The following PARP9 variants were observed in gnomAD, a reference collection of about 807,000 sequenced individuals.
PARP9 encodes the protein protein mono-ADP-ribosyltransferase PARP9.
PARP9 carries 48 observed loss-of-function variants against 68.8 expected under a neutral mutation model. That is an observed-to-expected ratio of 0.70 (90% CI 0.55 to 0.89). The LOEUF (loss-of-function observed/expected upper bound fraction) is 0.89, where lower values mean the gene tolerates loss of function less well. PARP9 is among the 40% of genes least tolerant of loss of function. The pLI, the probability that PARP9 is intolerant of heterozygous loss-of-function variation, is 0.00. For missense variants in PARP9, 806 were observed against 969.3 expected (o/e 0.83, Z 2.24); for synonymous variants, 309 against 333.8 (o/e 0.93, Z 0.81).
intron 6 of PARP9, among the ~76,000 whole-genome samples, chr3:122,547,112 CTT>C (rs35670026): frequency 9.6e-6 from 1 of 104,040 alleles, no homozygotes; most frequent in Non-Finnish European, 2.0e-5. Context: ...ATTTTTTTTT[CTT>C]TTTTTTTTTT....
intron 8 of PARP9, among the ~76,000 whole-genome samples, chr3:122,539,623 C>CACTT (rs1429566478): frequency 6.7e-6 from 1 of 150,006 alleles, no homozygotes; most frequent in East Asian, 2.0e-4. Context: ...TGCAATGGTT[C>CACTT]GATCTTGGTT....
In PARP9 at chr3:122,536,299, C is replaced by G; in HGVS notation, c.1949G>C (p.Arg650Thr). ...TTTTTCTTCCATCATTTTCTTCTTT[C>G]TTTGAAAGGCAGCCATAAGGACCTC... is the stretch of plus-strand genomic sequence containing the variant. ...DNEVLMAAFQ[R>T]KKKMMEEKLH... Residue 650 changes from arginine (R) to threonine (T), a missense_variant, in exon 10 of 11, where the codon AGA becomes ACA. By Grantham distance (71) the Arg-to-Thr change is moderately conservative. Coordinates refer to ENST00000682323, the MANE Select transcript of PARP9 (RefSeq NM_001146105.2). The G allele has an allele frequency of 1.2e-6, 2 of 1,614,134 alleles. No homozygotes were observed. Among genetic ancestry groups the G allele is most frequent in the Non-Finnish European group, 1.7e-6 (2 of 1,180,008 alleles).
chr3:122,564,663 C>T, upstream of PARP9: 1 of 1,550,440 alleles, frequency 6.4e-7, no homozygotes, highest in Non-Finnish European at 8.7e-7. Context: ...GCCCGGCCCC[C>T]GGGTTTCCAG....
Position 122,534,158 on chromosome 3 carries a change from G to A in PARP9, c.2080+2010C>T, listed in dbSNP as rs2077484416. On this transcript the variant is annotated intron_variant, in intron 10 of 10. Coordinates refer to ENST00000682323, the MANE Select transcript of PARP9 (RefSeq NM_001146105.2). ...ATCTTGAGTTGAAAGACTATATGGA[G>A]ACAAGATCTGTGGTTAGGTTATAAA... is the stretch of plus-strand genomic sequence containing the variant. 8.7e-6 allele frequency: 7 copies of A among 807,842 alleles called. No homozygotes were observed. The South Asian group carries it at 4.0e-4, about 46-fold the overall frequency. 50.0% of individuals were successfully genotyped at this position (807,842 alleles called of 1,614,324 possible). A position where few individuals can be genotyped will look rare whatever the true frequency, so the allele number is the denominator to read the frequency against.
chr3:122,530,793 T>C (rs979804737), intron 10 of PARP9, among the ~76,000 whole-genome samples: 6 of 152,068 alleles, frequency 3.9e-5, no homozygotes, highest in Non-Finnish European at 8.8e-5. Flanking sequence ...CCAGGCTGAG[T>C]GGCTCATGTC....
intron 7 of PARP9, among the ~76,000 whole-genome samples, chr3:122,543,151 T>C (rs1157293892): frequency 1.3e-5 from 2 of 152,126 alleles, no homozygotes; most frequent in African/African-American, 4.8e-5. Flanking sequence ...CCTCAGGTGA[T>C]CCACTTGCCT....
In PARP9 at chr3:122,536,492, T is replaced by A. The variant is rs1158293366; in HGVS notation, c.1906-150A>T. On this transcript the variant is annotated intron_variant, in intron 9 of 10. Transcript: ENST00000682323. ...TCATAGAAAGTTGCAAAAGAGTCTC[T>A]CCTCCCTCTAATCCTCTCCTATTTT... 4 of 1,340,712 alleles carry A rather than the reference T, an allele frequency of 3.0e-6. No homozygotes were observed. The African/African-American group carries it at 5.9e-5, about 20-fold the overall frequency. The allele number at this position is 1,340,712 out of a possible 1,614,324, so 83.1% of individuals were successfully genotyped here.
At chr3:122,547,071 TAC>T (rs200287350) in intron 6 of PARP9, among the ~76,000 whole-genome samples, 6 of 125,728 alleles carry the variant, frequency 4.8e-5, no homozygotes, top group Non-Finnish European at 1.1e-4. Flanking sequence ...CATACATATA[TAC>T]ACACACACAC....
At chr3:122,562,013 A>G (rs754663809) in intron 1 of PARP9, among the ~76,000 whole-genome samples, 84 of 152,046 alleles carry the variant, frequency 5.5e-4, no homozygotes, top group Non-Finnish European at 9.9e-4. Flanking sequence ...TCAGAAATCT[A>G]GGAACTTTCC....
chr3:122,535,932 C>A (rs2077608299), intron 10 of PARP9: 2 of 1,372,628 alleles, frequency 1.5e-6, no homozygotes, highest in Non-Finnish European at 1.9e-6. Context: ...GTAGTTCTTA[C>A]TGCTCACACT....
Position 122,558,451 on chromosome 3 carries a change from G to C in PARP9, c.32C>G (p.Ala11Gly), listed in dbSNP as rs141037421. Reference sequence around the variant, plus strand: ...AATCCTACCTGATTTTTCATTGTAAGCTGCTGCTCCGGCCACCTGTGAAAA... The same window carrying C: ...AATCCTACCTGATTTTTCATTGTAACCTGCTGCTCCGGCCACCTGTGAAAA... MDFSMVAGAAAYNEKSETGAL... is the reference protein window; with the variant it reads MDFSMVAGAAGYNEKSETGAL... The change falls in exon 3 of 11, where the codon GCT (alanine) becomes GGT (glycine). Residue 11 changes from alanine to glycine, a missense_variant. By Grantham distance (60) the Ala-to-Gly change is moderately conservative. Transcript: ENST00000682323. 2 of 1,614,074 alleles carry C rather than the reference G, an allele frequency of 1.2e-6. No homozygotes were observed.
chr3:122,535,661 A>T, intron 10 of PARP9: 1 of 986,674 alleles, frequency 1.0e-6, no homozygotes, highest in Non-Finnish European at 1.2e-6. Context: ...GATGAAGAGG[A>T]TCTTAAGATG....
chr3:122,552,315 A>C, intron 5 of PARP9, 103 bp downstream of exon 5: 4 of 906,496 alleles, frequency 4.4e-6, no homozygotes, highest in Non-Finnish European at 6.6e-6. Context: ...ATACCACTTG[A>C]CAAAATATTT....
At chr3:122,531,523 C>T (rs941966765) in intron 10 of PARP9, among the ~76,000 whole-genome samples, 1 of 152,200 alleles carries the variant, frequency 6.6e-6, no homozygotes, top group East Asian at 1.9e-4. Context: ...TTCGGGAGGC[C>T]GAGGCGGGTG....
At position 122,528,802 on chromosome 3, in the gene PARP9, A is replaced by G. The variant is rs2077096806; in HGVS notation, c.2081-59T>C. 2.9e-6 allele frequency: 4 copies of G among 1,398,622 alleles called. No homozygotes were observed. The South Asian group carries it at 4.4e-5, about 15-fold the overall frequency. The allele number at this position is 1,398,622 out of a possible 1,614,324, so 86.6% of individuals were successfully genotyped here. On this transcript the variant is annotated intron_variant, in intron 10 of 10. Coordinates refer to ENST00000682323, the MANE Select transcript of PARP9 (RefSeq NM_001146105.2). Reference sequence around the variant, plus strand: ...TATAATCTGGTAAATGATATTGCCGATTTGGGTACTAATATCTATTCTTTC... The same window carrying G: ...TATAATCTGGTAAATGATATTGCCGGTTTGGGTACTAATATCTATTCTTTC...
chr3:122,552,658 G>A lies in PARP9; in HGVS notation c.886-19C>T, dbSNP rs772940130. 1 of 1,549,244 alleles carries A rather than the reference G, an allele frequency of 6.5e-7. No individual in the cohort carries two copies. The highest frequency in any genetic ancestry group is 1.1e-5 in the South Asian group (1 of 89,594). On this transcript the variant is annotated intron_variant, in intron 4 of 10. Coordinates refer to ENST00000682323, the MANE Select transcript of PARP9 (RefSeq NM_001146105.2). ...CATCTGCCTGAAAAGGGAAGAAAGG[G>A]TAGGATTCATTGTTAAATTCCTTCT...
chr3:122,533,709 G>A (rs538786487), intron 10 of PARP9: 2 of 985,410 alleles, frequency 2.0e-6, no homozygotes, highest in South Asian at 4.7e-5. Flanking sequence ...GTAAGAAACT[G>A]CATGTGTAGA....
intron 10 of PARP9, chr3:122,532,187 G>C (rs2107550699): frequency 1.0e-6 from 1 of 985,418 alleles, no homozygotes; most frequent in Middle Eastern, 5.2e-4. Context: ...ATTCAGCTTG[G>C]AGGATGAACA....
chr3:122,556,162 A>AAAAAAAAAAAAAAAC (rs2079637799), intron 3 of PARP9, 41 bp from the exon 4 acceptor site: 1 of 1,140,922 alleles, frequency 8.8e-7, no homozygotes, highest in African/African-American at 1.6e-5. Context: ...AAAAAAAAAA[A>AAAAAAAAAAAAAAAC]AAAAAAAAAA....
Sources: allele counts gnomAD v4.1 joint callset (sites outside exome capture counted in the v4.1 genomes callset), GRCh38; gene constraint gnomAD v4.1.1; transcripts MANE v1.5; gene names NCBI Gene and HGNC (gene_info 2026-07-23, HGNC 2026-07-21).